CLNK: variants seen among roughly 807,000 people sequenced by gnomAD.
CLNK encodes cytokine-dependent hematopoietic cell linker.
CLNK carries 74 observed loss-of-function variants against 68.6 expected under a neutral mutation model. That is an observed-to-expected ratio of 1.08 (90% confidence interval 0.89 to 1.31). The LOEUF (loss-of-function observed/expected upper bound fraction) is 1.31, where lower values mean the gene tolerates loss of function less well. Ranked by LOEUF, CLNK falls within the 50% of genes most tolerant of loss-of-function variation. The pLI is 0.00. For missense variants in CLNK, 553 were observed against 515.3 expected, an observed-to-expected ratio of 1.07 and a Z score of -0.71; for synonymous variants, 198 against 172.2, an observed-to-expected ratio of 1.15 and a Z score of -1.17.
intron 7 of CLNK, among the ~76,000 whole-genome samples, chr4:10,560,585 A>G (rs560507258): frequency 1.3e-5 from 2 of 152,116 alleles, no homozygotes; most frequent in East Asian, 3.9e-4. Flanking sequence ...CTGGGACTAC[A>G]GGCGTGCGTC....
chr4:10,699,518 T>TTTA, the CLNK span, among the ~76,000 whole-genome samples: 2 of 116,802 alleles, frequency 1.7e-5, no homozygotes, highest in African/African-American at 8.0e-5. Context: ...ATATATTTTT[T>TTTA]TTTTTTTTTT....
chr4:10,667,777 T>C, intron 2 of CLNK, 82 bp downstream of exon 2: 1 of 1,353,084 alleles, frequency 7.4e-7, no homozygotes. Flanking sequence ...TGGCATCATT[T>C]CTCAGTTCAT....
intron 7 of CLNK, among the ~76,000 whole-genome samples, chr4:10,559,482 T>G (rs1719806098): frequency 6.6e-6 from 1 of 151,888 alleles, no homozygotes; most frequent in Admixed American, 6.6e-5. Flanking sequence ...TGCCAGAGGG[T>G]TTTTTCAATG....
chr4:10,531,674 C>T (rs1033948918), intron 12 of CLNK: 11 of 454,912 alleles, frequency 2.4e-5, no homozygotes, highest in African/African-American at 1.6e-4. Context: ...CCCCTGACCT[C>T]AGGTGATCCG....
At chr4:10,553,239 A>C (rs1256562514) in intron 8 of CLNK, among the ~76,000 whole-genome samples, 1 of 152,156 alleles carries the variant, frequency 6.6e-6, no homozygotes. Context: ...GTTTTTCTAA[A>C]ATGTGTTCTA....
At chr4:10,556,148 G>C (rs896484394) in intron 8 of CLNK, among the ~76,000 whole-genome samples, 5 of 152,072 alleles carry the variant, frequency 3.3e-5, no homozygotes, top group Non-Finnish European at 5.9e-5. Context: ...GCCAACATTC[G>C]CTACAAAACA....
intron 18 of CLNK, among the ~76,000 whole-genome samples, chr4:10,495,384 A>T (rs1716761999): frequency 6.6e-6 from 1 of 152,176 alleles, no homozygotes; most frequent in African/African-American, 2.4e-5. Context: ...TACCAATCTC[A>T]TTCTTGCTTA....
At chr4:10,706,043 G>A in the CLNK span, among the ~76,000 whole-genome samples, 1 of 152,226 alleles carries the variant, frequency 6.6e-6, no homozygotes, top group Non-Finnish European at 1.5e-5. Context: ...CAGAACAAAT[G>A]TGTGGAGAAG....
intron 17 of CLNK, among the ~76,000 whole-genome samples, chr4:10,506,552 T>G (rs1717302060): frequency 1.3e-5 from 2 of 152,182 alleles, no homozygotes; most frequent in Admixed American, 6.5e-5. Flanking sequence ...AAGTGAGACA[T>G]AAAGACCCAA....
In CLNK at chr4:10,607,398, C is replaced by G. The variant is rs115530958; in HGVS notation, c.12-9349G>C. ...GCCATAGTACAATCTCTCTCCTGAT[C>G]TGGGTTGTTTCAATGAACGCATGCC... On this transcript the variant is annotated intron_variant, in intron 2 of 18. Transcript: ENST00000226951. 5.5e-3 allele frequency among the ~76,000 whole-genome samples: 840 copies of G among 152,312 alleles called. 11 individuals carry two copies. Among genetic ancestry groups the G allele is most frequent in the African/African-American group, 0.019 (802 of 41,566 alleles).
intron 11 of CLNK, among the ~76,000 whole-genome samples, chr4:10,535,265 A>AAGAAAGAAAGAG: frequency 6.6e-6 from 1 of 151,928 alleles, no homozygotes; most frequent in African/African-American, 2.4e-5. Flanking sequence ...GAAAGAAAGA[A>AAGAAAGAAAGAG]AAAATGGAAA....
rs542284182 is a variant in CLNK at position 10,516,710 on chromosome 4, G to A, written c.773-3113C>T. On this transcript the variant is annotated intron_variant, in intron 15 of 18. Coordinates refer to ENST00000226951, the MANE Select transcript of CLNK (RefSeq NM_052964.4). ...TGGAATTACAGGCGCCCGCCACCAT[G>A]CCCAGCTAATTTTTGTGTTTAGTAG... Among the ~76,000 whole-genome samples, 249 of 152,246 alleles carry A rather than the reference G, an allele frequency of 1.6e-3. 1 individual carries two copies. Among genetic ancestry groups the A allele is most frequent in the Middle Eastern group, 3.4e-3 (1 of 294 alleles).
the CLNK span, among the ~76,000 whole-genome samples, chr4:10,690,614 T>A: frequency 9.8e-4 from 149 of 152,346 alleles, 1 homozygote; most frequent in African/African-American, 3.5e-3. Context: ...GAGGCTAACA[T>A]TAATTAAGAC....
At chr4:10,711,005 T>C in the CLNK span, among the ~76,000 whole-genome samples, 122,681 of 152,192 alleles carry the variant, frequency 0.81, 49,826 homozygotes, top group Admixed American at 0.87. Context: ...GAATAAGATG[T>C]GTGCTATTTA....
At chr4:10,639,647 A>C (rs1430176359) in intron 2 of CLNK, among the ~76,000 whole-genome samples, 2 of 152,248 alleles carry the variant, frequency 1.3e-5, no homozygotes, top group East Asian at 3.8e-4. Flanking sequence ...CTACTTAAAT[A>C]TAACTTAAAA....
At chr4:10,644,293 A>C (rs1406799678) in intron 2 of CLNK, among the ~76,000 whole-genome samples, 1 of 152,248 alleles carries the variant, frequency 6.6e-6, no homozygotes, top group African/African-American at 2.4e-5. Flanking sequence ...AGGGGAGGAC[A>C]AAAGAGCAAT....
chr4:10,544,186 T>C (rs1003184082), intron 8 of CLNK, among the ~76,000 whole-genome samples: 15 of 152,218 alleles, frequency 9.9e-5, no homozygotes, highest in African/African-American at 3.6e-4. Context: ...AAGAATTCAA[T>C]AAAGAGACTG....
At chr4:10,636,084 C>T (rs1192827537) in intron 2 of CLNK, among the ~76,000 whole-genome samples, 1 of 152,088 alleles carries the variant, frequency 6.6e-6, no homozygotes, top group Non-Finnish European at 1.5e-5. Context: ...CTGATGGGGG[C>T]TGGGTAGACT....
At chr4:10,501,449 G>A (rs375039424) in intron 17 of CLNK, 38 bp from the exon 18 acceptor site, 11 of 1,587,880 alleles carry the variant, frequency 6.9e-6, no homozygotes, top group African/African-American at 2.7e-5. Flanking sequence ...TTTCAGACAC[G>A]CCAGCATTCT....
Sources: gnomAD v4.1 joint callset for allele counts (sites outside exome capture counted in the v4.1 genomes callset) on GRCh38, gnomAD v4.1.1 for gene constraint, MANE v1.5 for transcripts, NCBI Gene and HGNC (gene_info 2026-07-23, HGNC 2026-07-21) for gene names.